FBXL13: variants seen among roughly 807,000 people sequenced by gnomAD.
FBXL13 encodes the protein F-box and leucine rich repeat protein 13, also known as F-box and leucine-rich repeat protein 13.
In FBXL13, 67 loss-of-function variants were observed where a neutral mutation model predicts 83.6. The observed-to-expected ratio is 0.80, with a 90% CI of 0.66 to 0.98. The LOEUF is 0.98. Among genes scored for constraint, FBXL13 ranks in the 50% least tolerant of loss-of-function variants. FBXL13 has a pLI of 0.00. For missense variants in FBXL13, 822 were observed against 866.5 expected (o/e 0.95, Z 0.64); for synonymous variants, 272 against 299.5 (o/e 0.91, Z 0.95).
intron 1 of FBXL13, among the ~76,000 whole-genome samples, chr7:103,061,394 C>G (rs1291906332): frequency 1.3e-5 from 2 of 152,100 alleles, no homozygotes; most frequent in African/African-American, 4.8e-5. Flanking sequence ...AAATCATGTG[C>G]TTTTCTTTGT....
chr7:102,877,486 C>G, exon 16 of FBXL13: 2 of 1,606,850 alleles, frequency 1.2e-6, no homozygotes, highest in Non-Finnish European at 1.7e-6. Context: ...GATGTCTGTT[C>G]CAGAGAGATC....
chr7:103,023,660 G>A (rs564849254), intron 6 of FBXL13, among the ~76,000 whole-genome samples: 85 of 152,234 alleles, frequency 5.6e-4, no homozygotes, highest in African/African-American at 2.0e-3. Flanking sequence ...CTACCATAAA[G>A]ACACATGCAT....
chr7:102,868,856 C>T (rs985359361), intron 16 of FBXL13, among the ~76,000 whole-genome samples: 1 of 152,080 alleles, frequency 6.6e-6, no homozygotes, highest in African/African-American at 2.4e-5. Flanking sequence ...TTAGTAGAGA[C>T]GAGGTTTCGC....
intron 17 of FBXL13, among the ~76,000 whole-genome samples, chr7:102,843,114 A>T (rs1335026992): frequency 1.3e-5 from 2 of 152,188 alleles, no homozygotes; most frequent in Non-Finnish European, 2.9e-5. Flanking sequence ...GTATCATAAA[A>T]GGTTATGAAG....
At chr7:102,890,127 T>C (rs1811352234) in intron 11 of FBXL13, among the ~76,000 whole-genome samples, 1 of 152,220 alleles carries the variant, frequency 6.6e-6, no homozygotes, top group Non-Finnish European at 1.5e-5. Flanking sequence ...ATGACTCACA[T>C]ATTCCTCCCA....
intron 11 of FBXL13, among the ~76,000 whole-genome samples, chr7:102,897,792 A>G (rs1370771512): frequency 1.3e-5 from 2 of 152,200 alleles, no homozygotes; most frequent in African/African-American, 4.8e-5. Flanking sequence ...CACTTTGATC[A>G]AAGAATATTT....
At chr7:102,864,177 C>T (rs994918388) in intron 16 of FBXL13, among the ~76,000 whole-genome samples, 1 of 152,132 alleles carries the variant, frequency 6.6e-6, no homozygotes, top group Admixed American at 6.5e-5. Context: ...TCTCTTTCTC[C>T]AGCCTCATCT....
chr7:102,991,733 C>T (rs184888584), intron 6 of FBXL13, among the ~76,000 whole-genome samples: 2 of 152,302 alleles, frequency 1.3e-5, no homozygotes, highest in East Asian at 3.8e-4. Context: ...CACAAGCCAC[C>T]TGAAACAGAT....
intron 11 of FBXL13, among the ~76,000 whole-genome samples, chr7:102,907,039 C>T (rs1813870367): frequency 1.3e-5 from 2 of 152,190 alleles, no homozygotes; most frequent in African/African-American, 4.8e-5. Context: ...GTGGCACAAA[C>T]TTGGCTCACT....
At chr7:102,906,824 G>A (rs188640164) in intron 11 of FBXL13, among the ~76,000 whole-genome samples, 21 of 152,218 alleles carry the variant, frequency 1.4e-4, no homozygotes, top group African/African-American at 4.8e-4. Context: ...CCTTGAAGTA[G>A]TCTTCTTTGG....
At chr7:102,813,210 G>GA (rs1797554886), downstream of FBXL13, 2 of 787,458 alleles carry the variant, frequency 2.5e-6, no homozygotes, top group Non-Finnish European at 4.0e-6. Flanking sequence ...TTTGTAGTTG[G>GA]AATAAGAATC....
intron 8 of FBXL13, among the ~76,000 whole-genome samples, chr7:102,936,837 G>A (rs1820410368): frequency 6.6e-6 from 1 of 152,188 alleles, no homozygotes. Context: ...GAGATAACAT[G>A]TGAGGAAATG....
chr7:103,052,182 C>T (rs1009694030), intron 2 of FBXL13, among the ~76,000 whole-genome samples: 1 of 152,092 alleles, frequency 6.6e-6, no homozygotes, highest in Non-Finnish European at 1.5e-5. Flanking sequence ...CATTTTACTG[C>T]CAGTTATAAC....
chr7:102,881,379 G>A (rs1472623943), intron 14 of FBXL13, among the ~76,000 whole-genome samples: 1 of 144,852 alleles, frequency 6.9e-6, no homozygotes, highest in Non-Finnish European at 1.5e-5. Context: ...AGAGGTTGCA[G>A]TGAGCCAAGA....
upstream of FBXL13, chr7:103,074,735 C>T (rs750432233): frequency 7.8e-7 from 1 of 1,289,854 alleles, no homozygotes; most frequent in African/African-American, 1.5e-5. Context: ...TGAAGTAGTT[C>T]TTCAGCCTCG....
intron 16 of FBXL13, among the ~76,000 whole-genome samples, chr7:102,864,828 TAAC>T (rs1292165431): frequency 6.6e-6 from 1 of 152,238 alleles, no homozygotes; most frequent in Non-Finnish European, 1.5e-5. Flanking sequence ...TTAATCCTTA[TAAC>T]AACACTGTGA....
intron 6 of FBXL13, among the ~76,000 whole-genome samples, chr7:102,992,358 A>G (rs1391275602): frequency 1.3e-5 from 2 of 152,112 alleles, no homozygotes; most frequent in East Asian, 3.9e-4. Flanking sequence ...TACAAATGAG[A>G]CAATTTAGAA....
chr7:102,958,778 T>A lies in FBXL13; in HGVS notation c.724+4755A>T, dbSNP rs75060626. Among the ~76,000 whole-genome samples the A allele has an allele frequency of 3.7e-3, 567 of 152,020 alleles. 6 individuals carry two copies. Among genetic ancestry groups the A allele is most frequent in the African/African-American group, 0.014 (560 of 41,458 alleles). The stretch of plus-strand genomic sequence containing the variant: ...GAAGACAAAGCAAGAATGGCCTTGG[T>A]GGATCAGAAACAAACAGTTCCTAAA... On this transcript the variant is annotated intron_variant, in intron 8 of 19. Transcript: ENST00000313221.
rs145210864 is a variant in FBXL13 at position 102,829,237 on chromosome 7, C to T, written c.1854+3603G>A. The stretch of plus-strand genomic sequence containing the variant: ...AAACAGGCCCTCCAGGAATCCTCGG[C>T]TTCTGTTGTCACTTGCTGCCTATCT... On this transcript the variant is annotated intron_variant, in intron 18 of 19. Coordinates refer to ENST00000313221, the Ensembl canonical transcript of FBXL13. Among the ~76,000 whole-genome samples, 137 of 152,314 alleles carry T rather than the reference C, an allele frequency of 9.0e-4. 1 individual carries two copies. Among genetic ancestry groups the T allele is most frequent in the African/African-American group, 3.2e-3 (135 of 41,568 alleles).
Sources: allele counts gnomAD v4.1 joint callset (sites outside exome capture counted in the v4.1 genomes callset), GRCh38; gene constraint gnomAD v4.1.1; transcripts MANE v1.5; gene names NCBI Gene and HGNC (gene_info 2026-07-23, HGNC 2026-07-21).